The following NCAM2 variants were observed in gnomAD, a reference collection of about 807,000 sequenced individuals.
The protein encoded by NCAM2 is N-CAM-2.
NCAM2 carries 30 observed loss-of-function variants against 98.1 expected under a neutral mutation model. The ratio of observed to expected loss-of-function variants is 0.31; its 90% CI spans 0.23 to 0.41. The LOEUF is 0.41. NCAM2 is among the 10% of genes least tolerant of loss of function. The pLI is 1.00. For synonymous variants in NCAM2, 368 were observed against 342.4 expected, an observed-to-expected ratio of 1.07 and a Z score of -0.83; for missense variants, 867 against 1,005.8, an observed-to-expected ratio of 0.86 and a Z score of 1.87.
intron 16 of NCAM2, among the ~76,000 whole-genome samples, chr21:21,533,411 A>G (rs558476787): frequency 2.2e-4 from 34 of 151,882 alleles, no homozygotes; most frequent in African/African-American, 7.5e-4. Flanking sequence ...CAGTTGCCTT[A>G]GTAAATATAT....
chr21:21,191,632 T>C (rs1388049555), intron 1 of NCAM2, among the ~76,000 whole-genome samples: 1 of 152,164 alleles, frequency 6.6e-6, no homozygotes, highest in African/African-American at 2.4e-5. Flanking sequence ...AAATCAGAGA[T>C]AATTTAGATA....
At chr21:21,349,593 G>T (rs1272813494) in intron 8 of NCAM2, among the ~76,000 whole-genome samples, 1 of 152,158 alleles carries the variant, frequency 6.6e-6, no homozygotes, top group Non-Finnish European at 1.5e-5. Flanking sequence ...ATACCCAAAA[G>T]AAAGGAAATC....
intron 12 of NCAM2, among the ~76,000 whole-genome samples, chr21:21,440,432 A>G (rs960279829): frequency 3.3e-5 from 5 of 152,162 alleles, no homozygotes; most frequent in African/African-American, 9.7e-5. Flanking sequence ...CTGTAAACCC[A>G]GCTCTTAGGG....
intron 1 of NCAM2, among the ~76,000 whole-genome samples, chr21:21,195,897 A>G (rs554282337): frequency 6.6e-6 from 1 of 152,346 alleles, no homozygotes; most frequent in South Asian, 2.1e-4. Flanking sequence ...AAACTGTGTG[A>G]TCTACATTGA....
At position 21,542,750 on chromosome 21, in the gene NCAM2, G is replaced by T. The variant is rs927054374; in HGVS notation, c.*4793G>T. On this transcript the variant is annotated 3_prime_UTR_variant, in exon 18 of 18. Coordinates refer to ENST00000400546, the MANE Select transcript of NCAM2 (RefSeq NM_004540.5). ...TGAGAAGTGCTAGACCAGGGACTAG[G>T]AACGTTGCTTAGATAAAAATTATGG... The T allele has an allele frequency of 6.6e-6, 1 of 151,864 alleles. No individual in the cohort carries two copies. Among genetic ancestry groups the T allele is most frequent in the Non-Finnish European group, 1.5e-5 (1 of 67,862 alleles). 9.4% of individuals were successfully genotyped at this position (151,864 alleles called of 1,614,324 possible). A position where few individuals can be genotyped will look rare whatever the true frequency, so the allele number is the denominator to read the frequency against.
At chr21:21,273,898 G>T (rs906060948) in intron 1 of NCAM2, among the ~76,000 whole-genome samples, 1 of 152,124 alleles carries the variant, frequency 6.6e-6, no homozygotes, top group Non-Finnish European at 1.5e-5. Flanking sequence ...GGGTGCGTTG[G>T]CTCATGCCTG....
intron 10 of NCAM2, among the ~76,000 whole-genome samples, chr21:21,413,096 G>C (rs1210948201): frequency 6.6e-6 from 1 of 152,012 alleles, no homozygotes; most frequent in Non-Finnish European, 1.5e-5. Flanking sequence ...TTAAGTTACT[G>C]CCAATAAATG....
intron 2 of NCAM2, 120 bp from the exon 3 acceptor site, chr21:21,284,074 C>A: frequency 1.5e-6 from 1 of 655,588 alleles, no homozygotes; most frequent in South Asian, 2.0e-5. Flanking sequence ...TCTCAGATTT[C>A]CAGTCTGTTA....
At chr21:21,021,327 T>C (rs1236097179) in intron 1 of NCAM2, among the ~76,000 whole-genome samples, 4 of 152,318 alleles carry the variant, frequency 2.6e-5, no homozygotes, top group South Asian at 2.1e-4. Flanking sequence ...TCTGCCATGC[T>C]CTATTTTAAA....
At chr21:21,356,390 A>C (rs946903485) in intron 8 of NCAM2, among the ~76,000 whole-genome samples, 1 of 152,104 alleles carries the variant, frequency 6.6e-6, no homozygotes, top group Admixed American at 6.6e-5. Flanking sequence ...TATTTATTTA[A>C]GCCAGGTTTA....
At chr21:21,192,316 A>G (rs1232415659) in intron 1 of NCAM2, among the ~76,000 whole-genome samples, 1 of 152,144 alleles carries the variant, frequency 6.6e-6, no homozygotes, top group Non-Finnish European at 1.5e-5. Flanking sequence ...ATTTAGATGG[A>G]TGAGAATCAT....
intron 8 of NCAM2, among the ~76,000 whole-genome samples, chr21:21,368,469 C>T (rs960785628): frequency 1.3e-5 from 2 of 151,748 alleles, no homozygotes; most frequent in Non-Finnish European, 1.5e-5. Flanking sequence ...GTTCACGCTG[C>T]TATAACAAAA....
intron 10 of NCAM2, among the ~76,000 whole-genome samples, chr21:21,412,061 G>A (rs2076897524): frequency 6.6e-6 from 1 of 152,064 alleles, no homozygotes; most frequent in Non-Finnish European, 1.5e-5. Context: ...TAGTCTCCTT[G>A]AATACTTTAA....
chr21:21,154,082 A>G (rs867156110), intron 1 of NCAM2, among the ~76,000 whole-genome samples: 13 of 151,918 alleles, frequency 8.6e-5, no homozygotes, highest in Non-Finnish European at 1.5e-4. Context: ...TGCCTGCTGC[A>G]TGTTCATGTA....
chr21:21,340,448 T>C (rs1219208819), intron 8 of NCAM2, among the ~76,000 whole-genome samples: 2 of 151,962 alleles, frequency 1.3e-5, no homozygotes, highest in Non-Finnish European at 2.9e-5. Context: ...CACAGATACT[T>C]ATTCTGTAGT....
At chr21:21,358,507 A>G (rs2075558071) in intron 8 of NCAM2, among the ~76,000 whole-genome samples, 1 of 152,038 alleles carries the variant, frequency 6.6e-6, no homozygotes, top group African/African-American at 2.4e-5. Context: ...ATACACGCAC[A>G]TCCACTTTCA....
intron 1 of NCAM2, among the ~76,000 whole-genome samples, chr21:21,190,639 TG>T (rs1241573386): frequency 6.6e-6 from 1 of 152,192 alleles, no homozygotes; most frequent in Non-Finnish European, 1.5e-5. Flanking sequence ...ATTCAGTTCA[TG>T]TATATATTTG....
intron 16 of NCAM2, among the ~76,000 whole-genome samples, chr21:21,531,488 AT>A (rs1989692205): frequency 6.6e-6 from 1 of 151,542 alleles, no homozygotes; most frequent in Non-Finnish European, 1.5e-5. Flanking sequence ...ATTCCGAAGG[AT>A]GGGGAGTTTT....
chr21:21,277,108 A>G (rs2072756202), intron 1 of NCAM2, among the ~76,000 whole-genome samples: 1 of 152,128 alleles, frequency 6.6e-6, no homozygotes, highest in African/African-American at 2.4e-5. Context: ...GGCATTAAGT[A>G]ATAATTCACA....
Sources: allele counts gnomAD v4.1 joint callset (sites outside exome capture counted in the v4.1 genomes callset), GRCh38; gene constraint gnomAD v4.1.1; transcripts MANE v1.5; gene names NCBI Gene and HGNC (gene_info 2026-07-23, HGNC 2026-07-21).